The following WDR70 variants were observed in gnomAD, a reference collection of about 807,000 sequenced individuals.
The protein encoded by WDR70 is WD repeat-containing protein 70.
Under a neutral mutation model 88.6 loss-of-function variants are expected in WDR70, and 53 were observed. That is an observed-to-expected ratio of 0.60 (90% CI 0.48 to 0.75). The LOEUF is 0.75. Among genes scored for constraint, WDR70 ranks in the 30% least tolerant of loss-of-function variants. WDR70 has a pLI of 0.00. For missense variants in WDR70, 610 were observed against 823.2 expected (o/e 0.74, Z 3.17); for synonymous variants, 280 against 270.0 (o/e 1.04, Z -0.36).
chr5:37,464,236 A>C (rs1395611398), intron 7 of WDR70, among the ~76,000 whole-genome samples: 1 of 152,240 alleles, frequency 6.6e-6, no homozygotes, highest in Non-Finnish European at 1.5e-5. Flanking sequence ...ATTAACAAGC[A>C]TATATCCTGT....
chr5:37,630,247 G>A (rs13357561), intron 10 of WDR70, among the ~76,000 whole-genome samples: 5,738 of 152,234 alleles, frequency 0.038, 350 homozygotes, highest in African/African-American at 0.13. Context: ...AGGCATGCTT[G>A]TAGTTGCTTG....
chr5:37,702,928 G>A (rs759106785), intron 12 of WDR70, 21 bp from the exon 13 acceptor site: 14 of 1,594,342 alleles, frequency 8.8e-6, no homozygotes, highest in East Asian at 6.8e-5. Context: ...GCTTATACTC[G>A]TAAACTCTTT....
At chr5:37,703,228 T>C (rs1747217017) in intron 13 of WDR70, 141 bp downstream of exon 13, 2 of 1,022,232 alleles carry the variant, frequency 2.0e-6, no homozygotes, top group Admixed American at 4.9e-5. Context: ...AGCGTAGGAG[T>C]TATCAGTATG....
At chr5:37,662,220 A>G (rs1435161043) in intron 10 of WDR70, among the ~76,000 whole-genome samples, 1 of 152,250 alleles carries the variant, frequency 6.6e-6, no homozygotes, top group African/African-American at 2.4e-5. Context: ...ACATACTGGT[A>G]AACAGCAAAG....
At chr5:37,736,890 A>G (rs942982908) in intron 17 of WDR70, among the ~76,000 whole-genome samples, 2 of 152,172 alleles carry the variant, frequency 1.3e-5, no homozygotes, top group African/African-American at 4.8e-5. Flanking sequence ...TATGAAAACA[A>G]GCAACAAATT....
intron 8 of WDR70, among the ~76,000 whole-genome samples, chr5:37,496,583 G>C (rs904063541): frequency 1.3e-5 from 2 of 152,196 alleles, no homozygotes; most frequent in Non-Finnish European, 2.9e-5. Flanking sequence ...AATGTCTTCT[G>C]CAATAGGGGT....
chr5:37,412,971 A>G (rs1439636047), intron 5 of WDR70, among the ~76,000 whole-genome samples: 1 of 152,226 alleles, frequency 6.6e-6, no homozygotes, highest in Non-Finnish European at 1.5e-5. Flanking sequence ...ATCAATAACC[A>G]ATTTAAATTT....
chr5:37,455,247 T>G (rs956031591), intron 7 of WDR70, among the ~76,000 whole-genome samples: 5 of 146,200 alleles, frequency 3.4e-5, no homozygotes, highest in Non-Finnish European at 7.6e-5. Context: ...TTCTTTCTTT[T>G]TTTTTTTTTT....
chr5:37,730,207 G>A (rs906417905), intron 17 of WDR70, among the ~76,000 whole-genome samples: 1 of 152,090 alleles, frequency 6.6e-6, no homozygotes, highest in Non-Finnish European at 1.5e-5. Context: ...CCACAAAGTA[G>A]TTGGTTATCT....
intron 9 of WDR70, among the ~76,000 whole-genome samples, chr5:37,517,871 A>G (rs1423610637): frequency 5.9e-4 from 84 of 143,164 alleles, no homozygotes; most frequent in Non-Finnish European, 1.2e-4. Context: ...TTATATTATT[A>G]TATTATATAT....
chr5:37,517,716 T>TTTATATATATATATATATATA, intron 9 of WDR70, among the ~76,000 whole-genome samples: 1 of 111,406 alleles, frequency 9.0e-6, no homozygotes, highest in Non-Finnish European at 2.0e-5. Context: ...GGTATATATA[T>TTTATATATATATATATATATA]TTATGGGGTA....
At chr5:37,649,894 C>T (rs112007153) in intron 10 of WDR70, among the ~76,000 whole-genome samples, 26,000 of 143,948 alleles carry the variant, frequency 0.18, 2,975 homozygotes, top group Non-Finnish European at 0.27. Context: ...CCCGCCACCA[C>T]GCCCGGCTAA....
intron 9 of WDR70, among the ~76,000 whole-genome samples, chr5:37,524,148 C>T (rs1169401160): frequency 2.0e-5 from 3 of 152,020 alleles, no homozygotes; most frequent in South Asian, 2.1e-4. Context: ...AGATACTCCT[C>T]GAGAAGAGCA....
chr5:37,750,267 C>T (rs1474374407), intron 17 of WDR70, among the ~76,000 whole-genome samples: 2 of 152,176 alleles, frequency 1.3e-5, no homozygotes, highest in East Asian at 3.9e-4. Context: ...GGCGTGGTGA[C>T]TCATGCCTGT....
chr5:37,631,076 C>T (rs559539030), intron 10 of WDR70, among the ~76,000 whole-genome samples: 83 of 152,242 alleles, frequency 5.5e-4, no homozygotes, highest in Admixed American at 3.9e-3. Context: ...TGATCCAGGT[C>T]GGGGAGATGG....
intron 9 of WDR70, among the ~76,000 whole-genome samples, chr5:37,562,221 G>C (rs751367727): frequency 3.9e-5 from 6 of 152,126 alleles, no homozygotes; most frequent in Non-Finnish European, 8.8e-5. Context: ...GCTGGGTGTG[G>C]TGGCACATGC....
At chr5:37,741,320 A>G (rs886680000) in intron 17 of WDR70, among the ~76,000 whole-genome samples, 8 of 151,212 alleles carry the variant, frequency 5.3e-5, no homozygotes, top group Admixed American at 4.6e-4. Context: ...TTAACCATTT[A>G]TAAGTATATA....
In WDR70 at chr5:37,541,990, G is replaced by C. The variant is rs776351191; in HGVS notation, c.917+25400G>C. 4.9e-4 allele frequency among the ~76,000 whole-genome samples: 74 copies of C among 152,280 alleles called. 2 individuals carry two copies. The highest frequency in any genetic ancestry group is 6.8e-3 in the Middle Eastern group (2 of 294). On this transcript the variant is annotated intron_variant, in intron 9 of 17. Coordinates refer to ENST00000265107, the MANE Select transcript of WDR70 (RefSeq NM_018034.4). Reference sequence around the variant, plus strand: ...CTAACATTACTGCTTGGGAGAATTAGGGAAAGTGTCACATGGGCATTTGAA... The same window carrying C: ...CTAACATTACTGCTTGGGAGAATTACGGAAAGTGTCACATGGGCATTTGAA...
chr5:37,379,713 C>T (rs778621703), intron 2 of WDR70, among the ~76,000 whole-genome samples, 159 bp downstream of exon 2: 1 of 151,352 alleles, frequency 6.6e-6, no homozygotes, highest in Middle Eastern at 3.4e-3. Context: ...TTCTATTCTG[C>T]GTTATCCGTT....
Sources: allele counts gnomAD v4.1 joint callset (sites outside exome capture counted in the v4.1 genomes callset), GRCh38; gene constraint gnomAD v4.1.1; transcripts MANE v1.5; gene names NCBI Gene and HGNC (gene_info 2026-07-23, HGNC 2026-07-21).